CDK1: variants seen among roughly 807,000 people sequenced by gnomAD.
CDK1 encodes the protein cyclin dependent kinase 1, also known as cyclin-dependent kinase 1.
In CDK1, 5 loss-of-function variants were observed where a neutral mutation model predicts 34.6. The observed-to-expected ratio is 0.14, with a 90% CI of 0.08 to 0.30. The LOEUF (loss-of-function observed/expected upper bound fraction) is 0.30, where lower values mean the gene tolerates loss of function less well. Among genes scored for constraint, CDK1 ranks in the 10% least tolerant of loss-of-function variants. CDK1 has a pLI of 1.00. For missense variants in CDK1, 157 were observed against 345.7 expected (o/e 0.45, Z 4.33); for synonymous variants, 108 against 114.7 (o/e 0.94, Z 0.37).
intron 4 of CDK1, chr10:60,786,331 GA>G: frequency 1.1e-6 from 1 of 924,070 alleles, no homozygotes; most frequent in Non-Finnish European, 1.3e-6. Flanking sequence ...TGTATATAAA[GA>G]TTTTTTTTTT....
chr10:60,784,817 G>A lies in CDK1; in HGVS notation c.150G>A (p.Arg50=). 6.2e-7 allele frequency: 1 copy of A among 1,613,550 alleles called. No individual in the cohort carries two copies. Among genetic ancestry groups the A allele is most frequent in the African/African-American group, 1.3e-5 (1 of 74,978 alleles). Residue 50 remains arginine (R), a synonymous_variant, in exon 3 of 8, where the codon CGG becomes CGA. Transcript: ENST00000395284. Reference sequence around the variant, plus strand: ...AAGGGGTTCCTAGTACTGCAATTCGGGAAATTTCTCTATTAAAGGAACTTC... The same window carrying A: ...AAGGGGTTCCTAGTACTGCAATTCGAGAAATTTCTCTATTAAAGGAACTTC... ...EEEGVPSTAI[R]EISLLKELRH...
chr10:60,785,634 A>T, intron 3 of CDK1, 30 bp from the exon 4 acceptor site: 87 of 1,193,366 alleles, frequency 7.3e-5, no homozygotes, highest in Middle Eastern at 2.0e-4. Context: ...TGTTTGCTGG[A>T]TTCTTCTCTC....
chr10:60,781,664 T>C (rs2080274269), intron 2 of CDK1, among the ~76,000 whole-genome samples: 2 of 152,224 alleles, frequency 1.3e-5, no homozygotes, highest in Admixed American at 1.3e-4. Context: ...ATTTCTTTGA[T>C]GTCCTCAAAT....
intron 1 of CDK1, among the ~76,000 whole-genome samples, 160 bp from the exon 2 acceptor site, chr10:60,779,981 T>A (rs1220418222): frequency 6.6e-6 from 1 of 152,110 alleles, no homozygotes; most frequent in Non-Finnish European, 1.5e-5. Context: ...ATTGTAGGAG[T>A]CCTTACCCTT....
At chr10:60,790,577 A>C (rs188228898) in intron 5 of CDK1, among the ~76,000 whole-genome samples, 37 of 152,162 alleles carry the variant, frequency 2.4e-4, no homozygotes, top group South Asian at 1.0e-3. Context: ...TTGTTTCTTG[A>C]GCTTTTGAGG....
chr10:60,779,914 A>G (rs910950683), intron 1 of CDK1, among the ~76,000 whole-genome samples: 5 of 152,196 alleles, frequency 3.3e-5, no homozygotes, highest in African/African-American at 1.2e-4. Context: ...TAAATACTAC[A>G]CTAGTATAGA....
Position 60,793,946 on chromosome 10 carries a change from G to T in CDK1, c.865G>T (p.Asp289Tyr). 2 of 1,544,352 alleles carry T rather than the reference G, an allele frequency of 1.3e-6. No individual in the cohort carries two copies. The highest frequency in any genetic ancestry group is 1.7e-6 in the Non-Finnish European group (2 of 1,150,880). ...KMALNHPYFN[D>Y]LDNQIKKM ...GGCACTGAATCATCCATATTTTAAT[G>T]ATTTGGACAATCAGATTAAGAAGAT... The change falls in exon 8 of 8, where the codon GAT (aspartate) becomes TAT (tyrosine). Residue 289 changes from aspartate to tyrosine, a missense_variant. Physicochemically the swap from Asp to Tyr is radical, Grantham distance 160. Transcript: ENST00000395284.
intron 5 of CDK1, among the ~76,000 whole-genome samples, chr10:60,789,704 A>G (rs2080343176): frequency 6.6e-6 from 1 of 152,194 alleles, no homozygotes; most frequent in African/African-American, 2.4e-5. Flanking sequence ...GCTTCAATAA[A>G]CATGGGAGTG....
intron 1 of CDK1, among the ~76,000 whole-genome samples, chr10:60,779,560 G>A (rs2080254120): frequency 6.6e-6 from 1 of 152,102 alleles, no homozygotes. Context: ...TGAAAGTCTT[G>A]AGCATGTTTG....
intron 7 of CDK1, 34 bp from the exon 8 acceptor site, chr10:60,793,843 C>A: frequency 8.3e-7 from 1 of 1,212,102 alleles, no homozygotes; most frequent in Non-Finnish European, 1.2e-6. Flanking sequence ...GGTTTATTTC[C>A]TAAATAAATA....
chr10:60,786,078 A>G (rs1431397070), intron 4 of CDK1: 22 of 1,032,878 alleles, frequency 2.1e-5, no homozygotes, highest in Non-Finnish European at 2.6e-5. Flanking sequence ...CATGTAAAAC[A>G]AAGTAATGAA....
At chr10:60,793,674 C>G (rs2080377080) in intron 7 of CDK1, among the ~76,000 whole-genome samples, 1 of 151,992 alleles carries the variant, frequency 6.6e-6, no homozygotes, top group African/African-American at 2.4e-5. Flanking sequence ...CTATGATTTA[C>G]AGAGTAAGTT....
chr10:60,789,867 A>C (rs113592236), intron 5 of CDK1, among the ~76,000 whole-genome samples: 1,680 of 152,354 alleles, frequency 0.011, 14 homozygotes, highest in South Asian at 0.037. Context: ...AGAGCCCACC[A>C]ACAGTGCGTA....
At chr10:60,780,974 AC>A in intron 2 of CDK1, among the ~76,000 whole-genome samples, 1 of 152,272 alleles carries the variant, frequency 6.6e-6, no homozygotes, top group South Asian at 2.1e-4. Context: ...AAGGGGGAAT[AC>A]TGGAGGGAAT....
At chr10:60,790,236 A>G (rs973436539) in intron 5 of CDK1, among the ~76,000 whole-genome samples, 1 of 151,874 alleles carries the variant, frequency 6.6e-6, no homozygotes, top group African/African-American at 2.4e-5. Context: ...GTTCGATATA[A>G]TCCTGTTTGT....
chr10:60,790,193 A>G (rs1362362979), intron 5 of CDK1, among the ~76,000 whole-genome samples: 2 of 151,836 alleles, frequency 1.3e-5, no homozygotes, highest in African/African-American at 4.8e-5. Context: ...TATTCTGTTC[A>G]TTCTGTTTCT....
intron 5 of CDK1, among the ~76,000 whole-genome samples, chr10:60,789,352 A>C (rs2080339743): frequency 6.6e-6 from 1 of 152,088 alleles, no homozygotes; most frequent in South Asian, 2.1e-4. Context: ...TTTCCTTTTG[A>C]GCTGTAATTG....
intron 1 of CDK1, among the ~76,000 whole-genome samples, chr10:60,778,829 C>T (rs930544603): frequency 6.6e-6 from 1 of 152,202 alleles, no homozygotes; most frequent in Non-Finnish European, 1.5e-5. Flanking sequence ...TTCGGGGCTG[C>T]AGTCATGAGT....
intron 3 of CDK1, among the ~76,000 whole-genome samples, 197 bp downstream of exon 3, chr10:60,785,058 G>A (rs1281153560): frequency 1.3e-5 from 2 of 152,176 alleles, no homozygotes; most frequent in Admixed American, 6.5e-5. Context: ...AGTTGGAGGA[G>A]CTGGGTGATG....
Sources: gnomAD v4.1 joint callset for allele counts (sites outside exome capture counted in the v4.1 genomes callset) on GRCh38, gnomAD v4.1.1 for gene constraint, MANE v1.5 for transcripts, NCBI Gene and HGNC (gene_info 2026-07-23, HGNC 2026-07-21) for gene names.